The following LRP1B variants were observed in gnomAD, a reference collection of about 807,000 sequenced individuals.
LRP1B encodes LDL receptor related protein 1B.
Under a neutral mutation model 556.6 loss-of-function variants are expected in LRP1B, and 217 were observed. The observed-to-expected ratio is 0.39, with a 90% CI of 0.35 to 0.44. The LOEUF is 0.44. LRP1B is among the 20% of genes least tolerant of loss of function. The pLI is 1.00. For synonymous variants in LRP1B, 2,047 were observed against 1,865.8 expected (o/e 1.10, Z -2.50); for missense variants, 5,053 against 5,620.8 (o/e 0.90, Z 3.23).
At chr2:141,219,910 C>T (rs963715152) in intron 6 of LRP1B, among the ~76,000 whole-genome samples, 1 of 151,928 alleles carries the variant, frequency 6.6e-6, no homozygotes, top group Non-Finnish European at 1.5e-5. Context: ...CAAAAAAGAC[C>T]CCATAAAAAC....
At chr2:141,261,140 C>T (rs1194760519) in intron 3 of LRP1B, among the ~76,000 whole-genome samples, 1 of 152,194 alleles carries the variant, frequency 6.6e-6, no homozygotes, top group East Asian at 1.9e-4. Context: ...ATCATTCATC[C>T]TCTTACCCCT....
intron 41 of LRP1B, among the ~76,000 whole-genome samples, chr2:140,616,021 A>T (rs1324889607): frequency 6.6e-6 from 1 of 152,060 alleles, no homozygotes; most frequent in Admixed American, 6.6e-5. Context: ...TAATTTTAAA[A>T]TTAAGTTTGG....
chr2:140,824,882 G>A (rs1223364027), intron 31 of LRP1B, among the ~76,000 whole-genome samples: 2 of 152,114 alleles, frequency 1.3e-5, no homozygotes, highest in African/African-American at 4.8e-5. Context: ...TCTTGCTATA[G>A]GACAGGAAAC....
intron 2 of LRP1B, among the ~76,000 whole-genome samples, chr2:141,690,945 G>C (rs1360770530): frequency 2.0e-5 from 3 of 151,522 alleles, no homozygotes; most frequent in Admixed American, 6.6e-5. Flanking sequence ...AGACATACGG[G>C]GGACGAAAGA....
At chr2:140,986,462 C>T (rs989383872) in intron 17 of LRP1B, among the ~76,000 whole-genome samples, 1 of 152,134 alleles carries the variant, frequency 6.6e-6, no homozygotes, top group African/African-American at 2.4e-5. Flanking sequence ...TTCACATACC[C>T]AGCAAGAGTG....
At chr2:141,553,907 GTTATATAATATAT>G (rs1685855592) in intron 2 of LRP1B, among the ~76,000 whole-genome samples, 1 of 133,894 alleles carries the variant, frequency 7.5e-6, no homozygotes, top group Admixed American at 7.9e-5. Flanking sequence ...TATTAATATA[GTTATATAATATAT>G]CTATATTAAT....
intron 3 of LRP1B, among the ~76,000 whole-genome samples, chr2:141,339,503 T>C (rs888010550): frequency 6.6e-6 from 1 of 152,160 alleles, no homozygotes; most frequent in African/African-American, 2.4e-5. Context: ...CATCCCTCAT[T>C]ACCTCAGTTT....
intron 1 of LRP1B, among the ~76,000 whole-genome samples, chr2:141,999,356 C>T (rs1457142192): frequency 6.6e-6 from 1 of 151,954 alleles, no homozygotes; most frequent in Admixed American, 6.6e-5. Flanking sequence ...TTTTGGTTGA[C>T]AGTTTACAGA....
intron 43 of LRP1B, among the ~76,000 whole-genome samples, chr2:140,597,628 ATCT>A (rs1276561099): frequency 6.6e-6 from 1 of 152,220 alleles, no homozygotes; most frequent in East Asian, 1.9e-4. Context: ...GGTCAATTCA[ATCT>A]TCAACTGAAT....
chr2:141,706,156 T>C (rs146829273), intron 2 of LRP1B, among the ~76,000 whole-genome samples: 1,935 of 152,134 alleles, frequency 0.013, 22 homozygotes, highest in South Asian at 0.023. Context: ...TTCCCTCCAA[T>C]GCAATCTTTT....
chr2:142,031,347 T>TTTTTTTTTTTTTTTTTTTTTTTTC (rs1703699477), intron 1 of LRP1B, among the ~76,000 whole-genome samples: 1 of 140,798 alleles, frequency 7.1e-6, no homozygotes, highest in African/African-American at 2.6e-5. Context: ...TTTTTTTTTT[T>TTTTTTTTTTTTTTTTTTTTTTTTC]TATTATACTC....
chr2:140,673,231 C>T (rs554194134), intron 41 of LRP1B, among the ~76,000 whole-genome samples: 2 of 152,204 alleles, frequency 1.3e-5, no homozygotes, highest in African/African-American at 4.8e-5. Flanking sequence ...TTGCTTACAA[C>T]TCCTGCTCTA....
chr2:140,927,721 T>TG (rs1420462185), intron 20 of LRP1B, among the ~76,000 whole-genome samples: 2 of 148,396 alleles, frequency 1.3e-5, no homozygotes, highest in Admixed American at 1.3e-4. Context: ...TTTTTTTTTT[T>TG]TTTTGAGATG....
chr2:141,351,234 A>G (rs1688432166), intron 3 of LRP1B, among the ~76,000 whole-genome samples: 1 of 152,062 alleles, frequency 6.6e-6, no homozygotes, highest in African/African-American at 2.4e-5. Context: ...AACTTCTCAT[A>G]TGTTTTAAGA....
At chr2:140,359,048 C>A (rs2105139210) in intron 72 of LRP1B, 102 bp from the exon 73 acceptor site, 1 of 1,180,044 alleles carries the variant, frequency 8.5e-7, no homozygotes, top group Non-Finnish European at 1.2e-6. Flanking sequence ...CATAAGCTAG[C>A]TTTTCTAAAT....
intron 60 of LRP1B, among the ~76,000 whole-genome samples, chr2:140,464,857 A>T (rs1687477079): frequency 6.6e-6 from 1 of 152,192 alleles, no homozygotes; most frequent in East Asian, 1.9e-4. Context: ...TATCAAGTAT[A>T]GTTGTTTACA....
At chr2:140,900,382 G>T (rs1403287663) in intron 23 of LRP1B, among the ~76,000 whole-genome samples, 1 of 152,168 alleles carries the variant, frequency 6.6e-6, no homozygotes, top group Non-Finnish European at 1.5e-5. Context: ...ACACATAGGT[G>T]AATGAAATGA....
chr2:140,382,162 C>A (rs1683536508), intron 67 of LRP1B, among the ~76,000 whole-genome samples: 1 of 152,094 alleles, frequency 6.6e-6, no homozygotes, highest in African/African-American at 2.4e-5. Context: ...TAGCATTTGA[C>A]AAGAATTTTT....
At chr2:141,312,176 C>G (rs552143160) in intron 3 of LRP1B, among the ~76,000 whole-genome samples, 38 of 152,256 alleles carry the variant, frequency 2.5e-4, no homozygotes, top group African/African-American at 8.7e-4. Context: ...GCTTCCTTTT[C>G]TACCTCCTCC....
Sources: allele counts gnomAD v4.1 joint callset (sites outside exome capture counted in the v4.1 genomes callset), GRCh38; gene constraint gnomAD v4.1.1; transcripts MANE v1.5; gene names NCBI Gene and HGNC (gene_info 2026-07-23, HGNC 2026-07-21).